The following DLGAP2 variants were observed in gnomAD, a reference collection of about 807,000 sequenced individuals.
The protein encoded by DLGAP2 is disks large-associated protein 2.
A neutral mutation model predicts 100.3 loss-of-function variants in DLGAP2; 26 were observed. That is an observed-to-expected ratio of 0.26 (90% CI 0.19 to 0.36). The LOEUF (loss-of-function observed/expected upper bound fraction) is 0.36. Among genes scored for constraint, DLGAP2 ranks in the 10% least tolerant of loss-of-function variants. The pLI is 1.00. For synonymous variants in DLGAP2, 886 were observed against 630.1 expected, an observed-to-expected ratio of 1.41 and a Z score of -6.08; for missense variants, 1,858 against 1,453.2, an observed-to-expected ratio of 1.28 and a Z score of -4.53.
At chr8:1,376,967 A>C (rs1795959800) in intron 3 of DLGAP2, among the ~76,000 whole-genome samples, 1 of 152,234 alleles carries the variant, frequency 6.6e-6, no homozygotes, top group South Asian at 2.1e-4. Flanking sequence ...TTGTAATCAC[A>C]CCATGCAATT....
chr8:1,207,595 G>A (rs1348042590), intron 2 of DLGAP2, among the ~76,000 whole-genome samples: 1 of 152,218 alleles, frequency 6.6e-6, no homozygotes, highest in East Asian at 1.9e-4. Flanking sequence ...GAGTGGGATT[G>A]CTGGGTCAAA....
intron 2 of DLGAP2, among the ~76,000 whole-genome samples, chr8:982,675 A>T (rs1800369684): frequency 6.6e-6 from 1 of 152,160 alleles, no homozygotes; most frequent in Admixed American, 6.5e-5. Context: ...GATATGAGCA[A>T]ATTCTTGGAT....
intron 3 of DLGAP2, among the ~76,000 whole-genome samples, chr8:1,360,485 C>G (rs1438657721): frequency 1.3e-5 from 2 of 152,310 alleles, no homozygotes; most frequent in South Asian, 2.1e-4. Flanking sequence ...CCCTGCCCCA[C>G]TGCATGCGGA....
chr8:1,441,613 A>G (rs991795978), intron 3 of DLGAP2, among the ~76,000 whole-genome samples: 26 of 148,616 alleles, frequency 1.7e-4, no homozygotes, highest in Non-Finnish European at 3.6e-4. Flanking sequence ...GCTTGAGCCC[A>G]GGAGGCGGAG....
intron 2 of DLGAP2, among the ~76,000 whole-genome samples, chr8:1,212,666 G>A (rs1271811217): frequency 6.6e-6 from 1 of 152,170 alleles, no homozygotes; most frequent in South Asian, 2.1e-4. Context: ...GAGGACTGTT[G>A]CCAGCAAATG....
intron 2 of DLGAP2, among the ~76,000 whole-genome samples, chr8:996,114 C>T: frequency 6.6e-6 from 1 of 152,178 alleles, no homozygotes; most frequent in Middle Eastern, 3.2e-3. Flanking sequence ...ATGCTGTGTT[C>T]TTCTGGCTCC....
At chr8:1,259,897 T>C (rs1397529485) in intron 3 of DLGAP2, 3 of 152,250 alleles carry the variant, frequency 2.0e-5, no homozygotes, top group Non-Finnish European at 2.9e-5. Flanking sequence ...TTTAAAACTT[T>C]TTCCTGTGTC....
intron 2 of DLGAP2, among the ~76,000 whole-genome samples, chr8:1,257,206 G>A (rs551026907): frequency 3.3e-5 from 5 of 151,914 alleles, no homozygotes; most frequent in Middle Eastern, 3.4e-3. Context: ...ACCCTCTCCC[G>A]CTCACCCACA....
chr8:1,417,693 G>GGGCCACGGGGA, intron 3 of DLGAP2, among the ~76,000 whole-genome samples: 3 of 93,170 alleles, frequency 3.2e-5, no homozygotes, highest in Admixed American at 1.0e-4. Flanking sequence ...GGGCACAGGG[G>GGGCCACGGGGA]GCCCCACTCC....
intron 3 of DLGAP2, among the ~76,000 whole-genome samples, chr8:1,415,374 C>T (rs1796854165): frequency 6.6e-6 from 1 of 152,120 alleles, no homozygotes; most frequent in Non-Finnish European, 1.5e-5. Flanking sequence ...GGATTTATTT[C>T]ATGACACTGA....
At chr8:1,589,889 G>T (rs1041802434) in intron 6 of DLGAP2, among the ~76,000 whole-genome samples, 2 of 152,160 alleles carry the variant, frequency 1.3e-5, no homozygotes, top group Non-Finnish European at 2.9e-5. Context: ...TTACATTTGG[G>T]GGATGGACTG....
chr8:895,728 G>C (rs1023104722), intron 1 of DLGAP2, among the ~76,000 whole-genome samples: 1 of 152,194 alleles, frequency 6.6e-6, no homozygotes, highest in East Asian at 1.9e-4. Flanking sequence ...AACCAGTCAG[G>C]CTGCGGGAGG....
At chr8:1,601,539 G>T (rs911534062) in intron 6 of DLGAP2, among the ~76,000 whole-genome samples, 1 of 152,178 alleles carries the variant, frequency 6.6e-6, no homozygotes, top group Non-Finnish European at 1.5e-5. Flanking sequence ...CCCTGACTGG[G>T]GCTGCTGCCT....
intron 2 of DLGAP2, among the ~76,000 whole-genome samples, chr8:1,110,316 C>G (rs955478020): frequency 2.1e-5 from 3 of 145,842 alleles, no homozygotes; most frequent in African/African-American, 7.5e-5. Context: ...TGTGCTGGGT[C>G]TGTGAGGTGT....
chr8:1,525,548 T>G (rs1399472496), intron 4 of DLGAP2, among the ~76,000 whole-genome samples: 1 of 152,190 alleles, frequency 6.6e-6, no homozygotes, highest in East Asian at 1.9e-4. Context: ...AACTCAGGAC[T>G]TACACAGCAG....
intron 2 of DLGAP2, among the ~76,000 whole-genome samples, chr8:922,919 T>C (rs541669795): frequency 6.6e-6 from 1 of 152,212 alleles, no homozygotes; most frequent in East Asian, 1.9e-4. Context: ...TGAGGGGAAA[T>C]GAGACCAGGA....
chr8:1,195,884 G>A (rs1459220601), intron 2 of DLGAP2, among the ~76,000 whole-genome samples: 5 of 152,168 alleles, frequency 3.3e-5, no homozygotes, highest in East Asian at 1.9e-4. Context: ...TTTCTTAACC[G>A]AAGTTTTTAG....
At chr8:1,198,683 G>T (rs1249452948) in intron 2 of DLGAP2, among the ~76,000 whole-genome samples, 1 of 152,222 alleles carries the variant, frequency 6.6e-6, no homozygotes, top group African/African-American at 2.4e-5. Flanking sequence ...CCATGTCCAT[G>T]GGTCAGGCAG....
At chr8:1,269,577 C>T (rs1799538158) in intron 3 of DLGAP2, among the ~76,000 whole-genome samples, 2 of 152,184 alleles carry the variant, frequency 1.3e-5, no homozygotes, top group South Asian at 2.1e-4. Flanking sequence ...ATTGTGCTCT[C>T]CTCTCTGATT....
Sources: gnomAD v4.1 joint callset for allele counts (sites outside exome capture counted in the v4.1 genomes callset) on GRCh38, gnomAD v4.1.1 for gene constraint, MANE v1.5 for transcripts, NCBI Gene and HGNC (gene_info 2026-07-23, HGNC 2026-07-21) for gene names.